ADGRB1: variants seen among roughly 807,000 people sequenced by gnomAD.
The protein encoded by ADGRB1 is adhesion G protein-coupled receptor B1.
ADGRB1 carries 36 observed loss-of-function variants against 175.7 expected under a neutral mutation model. The ratio of observed to expected loss-of-function variants is 0.20; its 90% confidence interval spans 0.16 to 0.27. The LOEUF is 0.27. Ranked by LOEUF, ADGRB1 falls within the 10% of genes least tolerant of loss-of-function variation. ADGRB1 has a pLI of 1.00. For synonymous variants in ADGRB1, 1,054 were observed against 979.4 expected (o/e 1.08, Z -1.42); for missense variants, 1,731 against 2,255.3 (o/e 0.77, Z 4.71).
intron 1 of ADGRB1, among the ~76,000 whole-genome samples, chr8:142,452,256 C>A (rs1839395700): frequency 6.6e-6 from 1 of 152,208 alleles, no homozygotes; most frequent in African/African-American, 2.4e-5. Context: ...AGCCGCGAAG[C>A]CCAGGGATGC....
At chr8:142,514,141 C>G (rs1587384546) in intron 18 of ADGRB1, among the ~76,000 whole-genome samples, 1 of 152,006 alleles carries the variant, frequency 6.6e-6, no homozygotes, top group Non-Finnish European at 1.5e-5. Context: ...TGTGGGGACT[C>G]TGGTCTGAGT....
chr8:142,510,916 T>A lies in ADGRB1; in HGVS notation c.2676-16T>A. 1.0e-6 allele frequency: 1 copy of A among 969,724 alleles called. No individual in the cohort carries two copies. The highest frequency in any genetic ancestry group is 1.3e-6 in the Non-Finnish European group (1 of 789,286). 60.1% of individuals were successfully genotyped at this position (969,724 alleles called of 1,614,324 possible). On this transcript the variant is annotated splice_polypyrimidine_tract_variant and intron_variant, in intron 17 of 30. Coordinates refer to ENST00000517894, the MANE Select transcript of ADGRB1 (RefSeq NM_001702.3). The surrounding 1 kb of genome is among the most constrained non-coding windows in gnomAD (Gnocchi z 6.3). ...ACGCTCCGCCTGTCTCCCTCCCGTG[T>A]CCCGCCCGCCCCCAGACCCTCCTCC...
chr8:142,497,499 A>G (rs1587347232), intron 17 of ADGRB1, among the ~76,000 whole-genome samples: 1 of 139,164 alleles, frequency 7.2e-6, no homozygotes, highest in Non-Finnish European at 1.6e-5. Flanking sequence ...AGGCTGGGGG[A>G]GGGGTGCAGG....
chr8:142,463,795 T>TGGCA (rs926497440), intron 1 of ADGRB1, among the ~76,000 whole-genome samples, 185 bp from the exon 2 acceptor site: 3 of 152,148 alleles, frequency 2.0e-5, no homozygotes, highest in African/African-American at 7.2e-5. Flanking sequence ...CATTGGTGAG[T>TGGCA]GGCAGACAGA....
At chr8:142,489,626 C>T (rs539826951) in intron 16 of ADGRB1, among the ~76,000 whole-genome samples, 188 bp downstream of exon 16, 16 of 152,290 alleles carry the variant, frequency 1.1e-4, no homozygotes, top group African/African-American at 3.9e-4. Flanking sequence ...CCCGGGGTCA[C>T]ACAGCAAGTG....
intron 1 of ADGRB1, among the ~76,000 whole-genome samples, chr8:142,451,031 C>G (rs369526694): frequency 6.6e-6 from 1 of 152,124 alleles, no homozygotes; most frequent in Non-Finnish European, 1.5e-5. Context: ...GGAGCTGCCT[C>G]GAGGAACGAG....
chr8:142,468,225 TGC>T (rs774078326), intron 2 of ADGRB1, among the ~76,000 whole-genome samples: 39 of 151,412 alleles, frequency 2.6e-4, no homozygotes, highest in African/African-American at 5.4e-4. Context: ...TGTGTGTGTG[TGC>T]GTGTGCAGTA....
chr8:142,510,788 G>A lies in ADGRB1; in HGVS notation c.2676-144G>A, dbSNP rs1843054960. 4.9e-6 allele frequency: 1 copy of A among 202,388 alleles called. No individual in the cohort carries two copies. Among genetic ancestry groups the A allele is most frequent in the Non-Finnish European group, 8.5e-6 (1 of 117,860 alleles). 12.5% of individuals were successfully genotyped at this position (202,388 alleles called of 1,614,324 possible). On this transcript the variant is annotated intron_variant, in intron 17 of 30. Transcript: ENST00000517894. This position sits in a 1 kb window ranked among gnomAD's most constrained non-coding sequence, Gnocchi z 6.3. ...GGGCCTGGCGGCGGCGGGCGGACGGGCGCGCGGCTGCGGGCGCAGGTGCGG... is the reference window on the plus strand; with the variant it reads ...GGGCCTGGCGGCGGCGGGCGGACGGACGCGCGGCTGCGGGCGCAGGTGCGG...
rs551317936 is a variant in ADGRB1, at chr8:142,471,541, G to A, written c.785-3933G>A. On this transcript the variant is annotated intron_variant, in intron 2 of 30. Transcript: ENST00000517894. ...TCAAGAAAAGGAAGCAACAAGACTC[G>A]GCCAGCTCAGGGAGCCTCAGTTTCC... 3.3e-5 allele frequency among the ~76,000 whole-genome samples: 5 copies of A among 152,320 alleles called. No homozygotes were observed. The South Asian group carries it at 6.2e-4, about 19-fold the overall frequency.
intron 1 of ADGRB1, among the ~76,000 whole-genome samples, chr8:142,462,724 C>A (rs1018107535): frequency 1.3e-5 from 2 of 152,230 alleles, no homozygotes; most frequent in Admixed American, 1.3e-4. Flanking sequence ...CACCAGGAGG[C>A]CGGGTGGCCT....
intron 1 of ADGRB1, among the ~76,000 whole-genome samples, chr8:142,461,551 C>T (rs765483784): frequency 5.3e-5 from 8 of 152,216 alleles, no homozygotes; most frequent in Non-Finnish European, 8.8e-5. Context: ...CGTGCCCGGC[C>T]GCAGGCCCAC....
In ADGRB1 at chr8:142,501,577, G is replaced by A. The variant is rs376701132; in HGVS notation, c.2676-9355G>A. Among the ~76,000 whole-genome samples, 13 of 147,020 alleles carry A rather than the reference G, an allele frequency of 8.8e-5. 1 individual carries two copies. The highest frequency in any genetic ancestry group is 2.1e-4 in the African/African-American group (8 of 37,548). On this transcript the variant is annotated intron_variant, in intron 17 of 30. Coordinates refer to ENST00000517894, the MANE Select transcript of ADGRB1 (RefSeq NM_001702.3). ...GGTGGTGGTGGTGATGGTGGTGGCGGTGATGGCGATGGTGGGGTGGTGGTA... is the reference window on the plus strand; with the variant it reads ...GGTGGTGGTGGTGATGGTGGTGGCGATGATGGCGATGGTGGGGTGGTGGTA...
At chr8:142,527,865 A>C (rs1052930432) in intron 24 of ADGRB1, among the ~76,000 whole-genome samples, 3 of 152,238 alleles carry the variant, frequency 2.0e-5, no homozygotes, top group Non-Finnish European at 2.9e-5. Context: ...AAGCTGAGAA[A>C]TGGAGGTTTA....
At chr8:142,466,462 T>C (rs1840281514) in intron 2 of ADGRB1, among the ~76,000 whole-genome samples, 1 of 152,132 alleles carries the variant, frequency 6.6e-6, no homozygotes, top group South Asian at 2.1e-4. Flanking sequence ...GGGACAGGCG[T>C]GAGGCTTGGC....
chr8:142,539,712 C>CA, intron 27 of ADGRB1: 1 of 537,300 alleles, frequency 1.9e-6, no homozygotes, highest in South Asian at 2.3e-5. Context: ...CTGGCTGCGT[C>CA]CCCTGCCCAC....
Position 142,544,342 on chromosome 8 carries a change from C to A in ADGRB1, c.4680C>A (p.Ser1560Arg), listed in dbSNP as rs376692868. ...PLQPSPLELR[S>R]VEWERSGATI... ...AGCCGTCGCCGCTGGAGCTTCGCAG[C>A]GTGGAGTGGGAGAGGTCGGGCGCCA... The change falls in exon 31 of 31, where the codon AGC becomes AGA. Residue 1560 changes from serine (S) to arginine (R), a missense_variant. This residue lies in a region of ADGRB1 where 394 missense variants were observed against 410.2 expected (regional missense o/e 0.96). Transcript: ENST00000517894. 1.3e-6 allele frequency: 2 copies of A among 1,547,136 alleles called. No homozygotes were observed. Among genetic ancestry groups the A allele is most frequent in the East Asian group, 2.4e-5 (1 of 40,882 alleles).
chr8:142,544,536 A>C lies in ADGRB1; in HGVS notation c.*119A>C. 1 of 1,218,184 alleles carries C rather than the reference A, an allele frequency of 8.2e-7. No individual in the cohort carries two copies. The allele number at this position is 1,218,184 out of a possible 1,614,324, so 75.5% of individuals were successfully genotyped here. On this transcript the variant is annotated 3_prime_UTR_variant, in exon 31 of 31. Transcript: ENST00000517894. Reference sequence around the variant, plus strand: ...CGGGCCAGGCCCGCACCCCGGCCTCAGGGCGCTCAGACGGCGGCCAGGCAC... The same window carrying C: ...CGGGCCAGGCCCGCACCCCGGCCTCCGGGCGCTCAGACGGCGGCCAGGCAC...
At chr8:142,451,768 T>TA (rs1839366044) in intron 1 of ADGRB1, among the ~76,000 whole-genome samples, 1 of 151,850 alleles carries the variant, frequency 6.6e-6, no homozygotes, top group African/African-American at 2.4e-5. Context: ...AGGGAGGTGG[T>TA]ATACGGTGTG....
chr8:142,469,296 C>T (rs1208991102), intron 2 of ADGRB1, among the ~76,000 whole-genome samples: 7 of 141,102 alleles, frequency 5.0e-5, no homozygotes, highest in African/African-American at 1.1e-4. Context: ...TGTGTGTGCA[C>T]GCGTGCATGT....
Sources: allele counts gnomAD v4.1 joint callset (sites outside exome capture counted in the v4.1 genomes callset), GRCh38; gene constraint gnomAD v4.1.1; regional missense constraint gnomAD v4.1.1; non-coding constraint Gnocchi (gnomAD v3.1); transcripts MANE v1.5; gene names NCBI Gene and HGNC (gene_info 2026-07-23, HGNC 2026-07-21).